Variants in GRIP2 observed in about 807,000 individuals in gnomAD.
GRIP2 encodes glutamate receptor interacting protein 2.
GRIP2 carries 58 observed loss-of-function variants against 108.3 expected under a neutral mutation model. That is an observed-to-expected ratio of 0.54 (90% CI 0.43 to 0.67). The LOEUF is 0.67. GRIP2 is among the 30% of genes least tolerant of loss of function. The probability of loss-of-function intolerance (pLI) is 0.00; values close to 1 mark genes in which losing one functional copy is unlikely to be tolerated. For missense variants in GRIP2, 1,278 were observed against 1,430.6 expected (o/e 0.89, Z 1.72); for synonymous variants, 586 against 598.2 (o/e 0.98, Z 0.30).
chr3:14,589,064 T>C, the GRIP2 span, among the ~76,000 whole-genome samples: 3 of 152,212 alleles, frequency 2.0e-5, no homozygotes, highest in Non-Finnish European at 4.4e-5. Context: ...CAAGTCTTTA[T>C]CCTTTTTGCA....
the GRIP2 span, among the ~76,000 whole-genome samples, chr3:14,571,830 G>A: frequency 6.6e-6 from 1 of 152,158 alleles, no homozygotes; most frequent in Admixed American, 6.5e-5. Flanking sequence ...TACACAGCAA[G>A]AGTTGAGAAT....
chr3:14,527,391 A>AGGAAAGGAAAGGAAAGGGAAGAAAG (rs72297166), intron 1 of GRIP2, among the ~76,000 whole-genome samples: 10 of 140,626 alleles, frequency 7.1e-5, no homozygotes, highest in Non-Finnish European at 1.4e-4. Flanking sequence ...AGGAAAGGAA[A>AGGAAAGGAAAGGAAAGGGAAGAAAG]GAAAGGAAAG....
At chr3:14,513,920 G>T in intron 12 of GRIP2, 110 bp from the exon 13 acceptor site, 1 of 1,329,644 alleles carries the variant, frequency 7.5e-7, no homozygotes, top group Non-Finnish European at 1.0e-6. Flanking sequence ...CTGGTCTGGG[G>T]TGACTCTCAG....
chr3:14,505,560 A>G lies in GRIP2; in HGVS notation c.2573+55T>C. The G allele has an allele frequency of 1.3e-6, 2 of 1,558,562 alleles. No individual in the cohort carries two copies. The highest frequency in any genetic ancestry group is 1.7e-6 in the Non-Finnish European group (2 of 1,150,324). ...CACTTTGGCACAGGCACCCTCGCCC[A>G]CCCCAGCCAAGACACTGTGACTCCC... On this transcript the variant is annotated intron_variant, in intron 20 of 23. Transcript: ENST00000621039. The surrounding 1 kb of genome is among the most constrained non-coding windows in gnomAD (Gnocchi z 4.2).
chr3:14,511,353 A>G lies in GRIP2; in HGVS notation c.1788-43T>C, dbSNP rs763233453. 1 of 1,613,864 alleles carries G rather than the reference A, an allele frequency of 6.2e-7. No homozygotes were observed. Among genetic ancestry groups the G allele is most frequent in the Non-Finnish European group, 8.5e-7 (1 of 1,179,872 alleles). ...AGAGGGGATGGAAGGAGCCTGGTGC[A>G]TGCAGGTGCCATACTCACTGCTGTT... On this transcript the variant is annotated intron_variant, in intron 15 of 23. Transcript: ENST00000621039. This position sits in a 1 kb window ranked among gnomAD's most constrained non-coding sequence, Gnocchi z 4.1.
chr3:14,494,464 T>C (rs1268548735), intron 23 of GRIP2, among the ~76,000 whole-genome samples: 1 of 152,230 alleles, frequency 6.6e-6, no homozygotes, highest in Non-Finnish European at 1.5e-5. Flanking sequence ...CCATCGGCTG[T>C]GAAGCAAGGT....
chr3:14,517,096 C>T lies in GRIP2; in HGVS notation c.1274G>A (p.Arg425Lys). 1 of 1,605,096 alleles carries T rather than the reference C, an allele frequency of 6.2e-7. No individual in the cohort carries two copies. The highest frequency in any genetic ancestry group is 8.5e-7 in the Non-Finnish European group (1 of 1,176,012). ...CTTGTGTTCCCTTCTTCGCTGCCTC[C>T]TCCGCCCCATTGTAGTTCGAGGACT... ...PMSPRTTMGR[R>K]RQRRREHKSS... is the part of the protein sequence containing the mutation. Residue 425 changes from arginine (R) to lysine (K), a missense_variant, in exon 11 of 24, where the codon AGG becomes AAG. Transcript: ENST00000621039.
At chr3:14,602,313 G>GCAGGGGCA in the GRIP2 span, 1 of 151,920 alleles carries the variant, frequency 6.6e-6, no homozygotes, top group African/African-American at 2.4e-5. This position sits in a 1 kb window ranked among gnomAD's most constrained non-coding sequence, Gnocchi z 4.7. Context: ...CAGCGCTGCT[G>GCAGGGGCA]TGCAGGGGCA....
upstream of GRIP2, among the ~76,000 whole-genome samples, chr3:14,545,530 G>A (rs1424207280): frequency 1.3e-5 from 2 of 152,222 alleles, no homozygotes; most frequent in African/African-American, 2.4e-5. Flanking sequence ...GCCTGGCCAC[G>A]GATGGGGCAG....
upstream of GRIP2, among the ~76,000 whole-genome samples, chr3:14,545,043 A>C (rs1695036433): frequency 6.6e-6 from 1 of 152,190 alleles, no homozygotes; most frequent in Non-Finnish European, 1.5e-5. Context: ...CTGCCAGCCT[A>C]CAGGAAAACA....
At position 14,540,162 on chromosome 3, in the gene GRIP2, G is replaced by A; in HGVS notation, c.40+107C>T. The A allele has an allele frequency of 2.2e-6, 3 of 1,377,244 alleles. No individual in the cohort carries two copies. Among genetic ancestry groups the A allele is most frequent in the Non-Finnish European group, 3.0e-6 (3 of 1,009,710 alleles). The allele number at this position is 1,377,244 out of a possible 1,614,324, so 85.3% of individuals were successfully genotyped here. A position where few individuals can be genotyped will look rare whatever the true frequency, so the allele number is the denominator to read the frequency against. On this transcript the variant is annotated intron_variant, in intron 1 of 23. Transcript: ENST00000621039. This position sits in a 1 kb window ranked among gnomAD's most constrained non-coding sequence, Gnocchi z 4.1. ...CCCAAGCCCTGGGTCTCCAGGGAGTGGCAGTCCCAGGTCTCAGCCATCCAG... is the reference window on the plus strand; with the variant it reads ...CCCAAGCCCTGGGTCTCCAGGGAGTAGCAGTCCCAGGTCTCAGCCATCCAG...
the GRIP2 span, chr3:14,574,425 G>T: frequency 1.4e-6 from 1 of 725,634 alleles, no homozygotes; most frequent in Non-Finnish European, 2.5e-6. Context: ...CGAGGCTGCG[G>T]TGTCTTCCCG....
At chr3:14,513,142 C>T (rs191951519) in intron 13 of GRIP2, among the ~76,000 whole-genome samples, 1 of 152,288 alleles carries the variant, frequency 6.6e-6, no homozygotes, top group East Asian at 1.9e-4. Flanking sequence ...CACAGCCTAA[C>T]AACCCAGTGT....
chr3:14,538,635 G>A (rs17317407), intron 1 of GRIP2, among the ~76,000 whole-genome samples: 3,373 of 152,342 alleles, frequency 0.022, 57 homozygotes, highest in East Asian at 0.049. Context: ...GTGATCATGA[G>A]GTTCTGTGAC....
In GRIP2 at chr3:14,548,965, T is replaced by A. The variant is rs551915587; in HGVS notation, c.55+6935A>T. On this transcript the variant is annotated intron_variant, in intron 1 of 23. Coordinates refer to the GRIP2 transcript ENST00000637182. ...TCCACCCAGAGGCCCACCCTGGCCA[T>A]GTGGGGTGTGTCTCCTTTACCTCCC... 6.3e-4 allele frequency among the ~76,000 whole-genome samples: 96 copies of A among 152,280 alleles called. 2 individuals are homozygous for A. The South Asian group carries it at 0.019, about 31-fold the overall frequency.
In GRIP2 at chr3:14,517,910, G is replaced by A; in HGVS notation, c.1031-13C>T. ...CTCTGCACTTTCACTGTAGCCAGCG[G>A]AGAAAGAGGAAAGAGAGGTGCAGGC... On this transcript the variant is annotated splice_polypyrimidine_tract_variant and intron_variant, in intron 9 of 23. Coordinates refer to ENST00000621039, the MANE Select transcript of GRIP2 (RefSeq NM_001080423.4). 6.5e-7 allele frequency: 1 copy of A among 1,534,286 alleles called. No individual in the cohort carries two copies. Among genetic ancestry groups the A allele is most frequent in the Non-Finnish European group, 8.8e-7 (1 of 1,139,128 alleles).
the GRIP2 span, among the ~76,000 whole-genome samples, chr3:14,578,158 G>A: frequency 6.6e-6 from 1 of 152,326 alleles, no homozygotes; most frequent in Admixed American, 6.5e-5. Flanking sequence ...GAACTGTGGT[G>A]ATCGATAAGC....
upstream of GRIP2, among the ~76,000 whole-genome samples, chr3:14,542,345 G>A (rs1694990458): frequency 6.6e-6 from 1 of 151,856 alleles, no homozygotes; most frequent in South Asian, 2.1e-4. Flanking sequence ...GTAGTGATGA[G>A]GTTTTCACCA....
rs1693960519 is a variant in GRIP2 at position 14,507,396 on chromosome 3, G to A, written c.2218+165C>T. ...GCCCCGTGCCCACTGTGTGGCCCTGGGCTCATCACTTCCCTCTCTGAGTCT... is the reference window on the plus strand; with the variant it reads ...GCCCCGTGCCCACTGTGTGGCCCTGAGCTCATCACTTCCCTCTCTGAGTCT... On this transcript the variant is annotated intron_variant, in intron 18 of 23. Transcript: ENST00000621039. The surrounding 1 kb of genome is among the most constrained non-coding windows in gnomAD (Gnocchi z 4.6). Among the ~76,000 whole-genome samples the A allele has an allele frequency of 6.6e-6, 1 of 152,224 alleles. No homozygotes were observed. The highest frequency in any genetic ancestry group is 1.5e-5 in the Non-Finnish European group (1 of 68,036).
Sources: gnomAD v4.1 joint callset for allele counts (sites outside exome capture counted in the v4.1 genomes callset) on GRCh38, gnomAD v4.1.1 for gene constraint, Gnocchi (gnomAD v3.1) non-coding constraint, MANE v1.5 for transcripts, NCBI Gene and HGNC (gene_info 2026-07-23, HGNC 2026-07-21) for gene names.